Variants in CLDN11 observed in about 807,000 individuals in gnomAD.
CLDN11 encodes claudin-11.
A neutral mutation model predicts 18.0 loss-of-function variants in CLDN11; 1 was observed. That is an observed-to-expected ratio of 0.06 (90% confidence interval 0.02 to 0.26). The LOEUF is 0.26. Among genes scored for constraint, CLDN11 ranks in the 10% least tolerant of loss-of-function variants. The probability of loss-of-function intolerance (pLI) is 1.00; values close to 1 mark genes in which losing one functional copy is unlikely to be tolerated. For synonymous variants in CLDN11, 116 were observed against 121.5 expected, an observed-to-expected ratio of 0.96 and a Z score of 0.30; for missense variants, 172 against 276.6, an observed-to-expected ratio of 0.62 and a Z score of 2.68.
intron 2 of CLDN11, among the ~76,000 whole-genome samples, chr3:170,427,234 A>G (rs1163451825): frequency 2.6e-5 from 4 of 152,346 alleles, no homozygotes; most frequent in African/African-American, 9.6e-5. Context: ...GCATATCAAG[A>G]AAGATTTTTT....
intron 1 of CLDN11, 106 bp from the exon 2 acceptor site, chr3:170,423,057 C>T (rs778534721): frequency 2.4e-5 from 30 of 1,225,746 alleles, no homozygotes; most frequent in South Asian, 1.4e-4. Flanking sequence ...TCCTGGAATC[C>T]ACCAAGAAGG....
intron 1 of CLDN11, among the ~76,000 whole-genome samples, chr3:170,420,701 A>G (rs1177906096): frequency 6.6e-6 from 1 of 152,106 alleles, no homozygotes; most frequent in Non-Finnish European, 1.5e-5. Flanking sequence ...GCCTTACGCT[A>G]TCCTTTCCTT....
At chr3:170,432,048 G>A (rs1739014807) in intron 2 of CLDN11, among the ~76,000 whole-genome samples, 1 of 152,120 alleles carries the variant, frequency 6.6e-6, no homozygotes. Context: ...CCATTCAACT[G>A]GTCTACATTG....
chr3:170,428,123 G>T (rs1414608367), intron 2 of CLDN11, among the ~76,000 whole-genome samples: 2 of 149,684 alleles, frequency 1.3e-5, no homozygotes. Flanking sequence ...CTCCAGCCTG[G>T]GTGACAGATA....
intron 2 of CLDN11, 36 bp from the exon 3 acceptor site, chr3:170,432,488 G>A (rs1560236331): frequency 2.5e-6 from 4 of 1,608,338 alleles, no homozygotes; most frequent in Non-Finnish European, 3.4e-6. Context: ...GTGTGTGATG[G>A]TTGCGCCCAG....
intron 1 of CLDN11, 89 bp from the exon 2 acceptor site, chr3:170,423,074 G>A: frequency 7.3e-7 from 1 of 1,362,278 alleles, no homozygotes; most frequent in Middle Eastern, 1.9e-4. Flanking sequence ...AAGGAGGAAG[G>A]GAGATGGTGC....
At chr3:170,425,975 C>T (rs1245551510) in intron 2 of CLDN11, among the ~76,000 whole-genome samples, 1 of 152,180 alleles carries the variant, frequency 6.6e-6, no homozygotes, top group Non-Finnish European at 1.5e-5. Flanking sequence ...GTGGGAGGAG[C>T]ATGGGGACTG....
chr3:170,432,751 G>A lies in CLDN11; in HGVS notation c.619G>A (p.Val207Ile), dbSNP rs755485527. ...CCCGACTCATGCGAAGAGTGCCCACGTATAAGAGGGCTGCCCGGCTGCCCA... is the reference window on the plus strand; with the variant it reads ...CCCGACTCATGCGAAGAGTGCCCACATATAAGAGGGCTGCCCGGCTGCCCA... The part of the protein sequence containing the change: ...SSPTHAKSAH[V>I] Residue 207 changes from valine (V) to isoleucine (I), a missense_variant, in exon 3 of 3, where the codon GTA becomes ATA. Val to Ile is a conservative substitution (Grantham distance 29). Transcript: ENST00000064724. The A allele has an allele frequency of 3.7e-5, 60 of 1,613,998 alleles. No homozygotes were observed. Among genetic ancestry groups the A allele is most frequent in the South Asian group, 1.5e-4 (14 of 91,090 alleles).
chr3:170,427,806 C>G (rs372610403), intron 2 of CLDN11, among the ~76,000 whole-genome samples: 4 of 56,100 alleles, frequency 7.1e-5, no homozygotes, highest in Non-Finnish European at 1.6e-4. Flanking sequence ...GAGACTGTCT[C>G]AAAAAAAAAA....
chr3:170,418,890 G>A lies in CLDN11; in HGVS notation c.-177G>A. 1 of 559,162 alleles carries A rather than the reference G, an allele frequency of 1.8e-6. No individual in the cohort carries two copies. Among genetic ancestry groups the A allele is most frequent in the Non-Finnish European group, 3.2e-6 (1 of 316,326 alleles). 34.6% of individuals were successfully genotyped at this position (559,162 alleles called of 1,614,324 possible). On this transcript the variant is annotated 5_prime_UTR_variant, in exon 1 of 3. Transcript: ENST00000064724. The surrounding 1 kb of genome is among the most constrained non-coding windows in gnomAD (Gnocchi z 4.3). ...AGCAGCGCTGCTGTCCCCGCCGTGC[G>A]CCCTTCGCCGCTGAGCTCGCAGCCT...
intron 2 of CLDN11, among the ~76,000 whole-genome samples, chr3:170,424,936 TGTGTGC>T (rs879292523): frequency 0.016 from 795 of 51,016 alleles, 4 homozygotes; most frequent in African/African-American, 0.043. Context: ...TGTGTGTGTG[TGTGTGC>T]GCGCGTGTGT....
In CLDN11 at chr3:170,433,999, T is replaced by C. The variant is rs1739074632; in HGVS notation, c.*1243T>C. On this transcript the variant is annotated 3_prime_UTR_variant, in exon 3 of 3. Coordinates refer to ENST00000064724, the MANE Select transcript of CLDN11 (RefSeq NM_005602.6). ...TTGGCTTTACGGGTGTAAACACTGATGGTATATCAGTATCTGAGACCCCAA... is the reference window on the plus strand; with the variant it reads ...TTGGCTTTACGGGTGTAAACACTGACGGTATATCAGTATCTGAGACCCCAA... The C allele has an allele frequency of 1.3e-5, 2 of 152,616 alleles. No individual in the cohort carries two copies. The highest frequency in any genetic ancestry group is 6.5e-5 in the Admixed American group (1 of 15,288). The allele number at this position is 152,616 out of a possible 1,614,324, so 9.5% of individuals were successfully genotyped here. A position where few individuals can be genotyped will look rare whatever the true frequency, so the allele number is the denominator to read the frequency against.
intron 1 of CLDN11, chr3:170,421,160 G>C (rs914213941): frequency 3.4e-6 from 1 of 296,568 alleles, no homozygotes; most frequent in Non-Finnish European, 4.9e-6. Flanking sequence ...GGTGGGGGGG[G>C]GGTGGGGGGC....
chr3:170,424,916 GGTGTGTGTGT>G (rs747725849), intron 2 of CLDN11, among the ~76,000 whole-genome samples: 36 of 141,548 alleles, frequency 2.5e-4, no homozygotes, highest in Admixed American at 1.8e-3. Flanking sequence ...AAGCCACAAG[GGTGTGTGTGT>G]GTGTGTGTGT....
chr3:170,423,607 G>A, intron 2 of CLDN11: 1 of 407,778 alleles, frequency 2.5e-6, no homozygotes, highest in South Asian at 3.6e-5. Context: ...CTGAAAGATG[G>A]AAGCCTTCTC....
chr3:170,429,330 A>G (rs1259085763), intron 2 of CLDN11, among the ~76,000 whole-genome samples: 3 of 152,180 alleles, frequency 2.0e-5, no homozygotes, highest in African/African-American at 7.2e-5. Flanking sequence ...TAGGAAGTAA[A>G]GAGCCTGCTG....
At chr3:170,421,853 G>C (rs1738732997) in intron 1 of CLDN11, among the ~76,000 whole-genome samples, 1 of 152,096 alleles carries the variant, frequency 6.6e-6, no homozygotes, top group South Asian at 2.1e-4. Context: ...TTTTTACTTG[G>C]CATTTTACTT....
rs1560232592 is a variant in CLDN11, at chr3:170,418,991, C to T, written c.-76C>T. 9 of 1,110,884 alleles carry T rather than the reference C, an allele frequency of 8.1e-6. No homozygotes were observed. In the South Asian group the frequency reaches 1.1e-4, roughly 14 times the overall value. The allele number at this position is 1,110,884 out of a possible 1,614,324, so 68.8% of individuals were successfully genotyped here. On this transcript the variant is annotated 5_prime_UTR_variant, in exon 1 of 3. Coordinates refer to ENST00000064724, the MANE Select transcript of CLDN11 (RefSeq NM_005602.6). This position sits in a 1 kb window ranked among gnomAD's most constrained non-coding sequence, Gnocchi z 4.3. ...GCGGCTCGCGAGCGTGGGAGACGTA[C>T]CTGGGCAGGCACTGTCCAGCCCAGG...
Position 170,432,846 on chromosome 3 carries a change from C to G in CLDN11, c.*90C>G, listed in dbSNP as rs192477349. 1.1e-5 allele frequency: 14 copies of G among 1,258,334 alleles called. No homozygotes were observed. In the East Asian group the frequency reaches 3.3e-4, roughly 30 times the overall value. 77.9% of individuals were successfully genotyped at this position (1,258,334 alleles called of 1,614,324 possible). A position where few individuals can be genotyped will look rare whatever the true frequency, so the allele number is the denominator to read the frequency against. On this transcript the variant is annotated 3_prime_UTR_variant, in exon 3 of 3. Transcript: ENST00000064724. Reference sequence around the variant, plus strand: ...TCACAGTGTGGGGAAGCCCATTCCTCTGCCAGGCTCTAAAGCCAAAGGTCT... The same window carrying G: ...TCACAGTGTGGGGAAGCCCATTCCTGTGCCAGGCTCTAAAGCCAAAGGTCT...
Sources: allele counts gnomAD v4.1 joint callset (sites outside exome capture counted in the v4.1 genomes callset), GRCh38; gene constraint gnomAD v4.1.1; non-coding constraint Gnocchi (gnomAD v3.1); transcripts MANE v1.5; gene names NCBI Gene and HGNC (gene_info 2026-07-23, HGNC 2026-07-21).